The following AMPD1 variants were observed in gnomAD, a reference collection of about 807,000 sequenced individuals.
AMPD1 encodes AMP deaminase 1.
A neutral mutation model predicts 82.9 loss-of-function variants in AMPD1; 74 were observed. That is an observed-to-expected ratio of 0.89 (90% confidence interval 0.74 to 1.08). The LOEUF (loss-of-function observed/expected upper bound fraction) is 1.08, where lower values mean the gene tolerates loss of function less well. Among genes scored for constraint, AMPD1 ranks in the 50% least tolerant of loss-of-function variants. The pLI is 0.00. For missense variants in AMPD1, 881 were observed against 924.5 expected (o/e 0.95, Z 0.61); for synonymous variants, 333 against 320.5 (o/e 1.04, Z -0.42).
intron 2 of AMPD1, among the ~76,000 whole-genome samples, chr1:114,692,070 G>A (rs1658532449): frequency 6.6e-6 from 1 of 152,188 alleles, no homozygotes; most frequent in South Asian, 2.1e-4. Context: ...CAACTTCAGA[G>A]AATTGTTATG....
At chr1:114,674,672 T>C in intron 13 of AMPD1, 80 bp downstream of exon 13, 1 of 1,514,688 alleles carries the variant, frequency 6.6e-7, no homozygotes, top group South Asian at 1.1e-5. Context: ...CGATAATGAC[T>C]TGTGACAGTA....
intron 2 of AMPD1, among the ~76,000 whole-genome samples, chr1:114,693,211 A>ATT (rs1210471543): frequency 3.4e-5 from 5 of 148,982 alleles, no homozygotes; most frequent in Non-Finnish European, 5.9e-5. Context: ...ATTATATATA[A>ATT]TTATATATAT....
chr1:114,693,164 A>G (rs12132598), intron 2 of AMPD1, among the ~76,000 whole-genome samples: 32,767 of 138,904 alleles, frequency 0.24, 3,952 homozygotes, highest in Middle Eastern at 0.31. Flanking sequence ...AAATAAATAA[A>G]TAAGTAAAAG....
At chr1:114,678,264 G>T in intron 8 of AMPD1, 69 bp downstream of exon 8, 1 of 1,563,402 alleles carries the variant, frequency 6.4e-7, no homozygotes, top group South Asian at 1.1e-5. Flanking sequence ...GAGAAGGGAG[G>T]GCTTGTAGGA....
At chr1:114,678,572 G>A (rs745383528) in intron 7 of AMPD1, 45 bp from the exon 8 acceptor site, 4 of 1,533,546 alleles carry the variant, frequency 2.6e-6, no homozygotes, top group Non-Finnish European at 3.6e-6. Context: ...ATCAGCCTTA[G>A]TTATGCTACT....
chr1:114,679,603 G>T lies in AMPD1; in HGVS notation c.873C>A (p.His291Gln), dbSNP rs1658093498. 1 of 1,614,058 alleles carries T rather than the reference G, an allele frequency of 6.2e-7. No individual in the cohort carries two copies. Among genetic ancestry groups the T allele is most frequent in the Non-Finnish European group, 8.5e-7 (1 of 1,179,988 alleles). Residue 291 changes from histidine (H) to glutamine (Q), a missense_variant, in exon 7 of 16, where the codon CAC becomes CAA. Physicochemically the swap from His to Gln is conservative, Grantham distance 24 (BLOSUM62 0). Transcript: ENST00000520113. ...CCTTCCTGCAGTTATAAAAATCTCG[G>T]TGGGGGTTGTTTTTCAGCTCCTTTA... is the stretch of plus-strand genomic sequence containing the variant. ...DELKELKNNP[H>Q]RDFYNCRKVD...
At position 114,674,839 on chromosome 1, in the gene AMPD1, A is replaced by T; in HGVS notation, c.1713T>A (p.Pro571=). Residue 571 remains proline, a synonymous_variant, in exon 13 of 16, where the codon CCT becomes CCA. Coordinates refer to ENST00000520113, the MANE Select transcript of AMPD1 (RefSeq NM_000036.3). ...ERGMNTFLFR[P]HCGEAGALTH... ...TGAGGGCTCCAGCTTCTCCACAGTG[A>T]GGTCGGAACAGAAACGTATTCATGC... 1 of 1,614,054 alleles carries T rather than the reference A, an allele frequency of 6.2e-7. No homozygotes were observed.
chr1:114,674,778 T>TA lies in AMPD1; in HGVS notation c.1773dup (p.Ile592TyrfsTer31). 9 of 1,613,356 alleles carry TA rather than the reference T, an allele frequency of 5.6e-6. No individual in the cohort carries two copies. The highest frequency in any genetic ancestry group is 7.6e-6 in the Non-Finnish European group (9 of 1,179,288). ...TTTTTTAAATTTAGGCCATGAGAGA[T>TA]ATCATCTGCTATCATGAATGCTGTC... On this transcript the variant is annotated frameshift_variant, in exon 13 of 16. Coordinates refer to ENST00000520113, the MANE Select transcript of AMPD1 (RefSeq NM_000036.3). LOFTEE classifies it high-confidence loss of function.
Position 114,675,861 on chromosome 1 carries a change from G to A in AMPD1, c.1515+16C>T. The A allele has an allele frequency of 6.2e-7, 1 of 1,614,192 alleles. No homozygotes were observed. The highest frequency in any genetic ancestry group is 8.5e-7 in the Non-Finnish European group (1 of 1,180,010). On this transcript the variant is annotated intron_variant, in intron 11 of 15. Coordinates refer to ENST00000520113, the MANE Select transcript of AMPD1 (RefSeq NM_000036.3). ...TTCATGAGCAGCAGTATGAAGGCCT[G>A]AAGGGTCATGCTTACATGCTTGAGG...
At chr1:114,693,130 A>C (rs1436971781) in intron 2 of AMPD1, among the ~76,000 whole-genome samples, 1 of 144,128 alleles carries the variant, frequency 6.9e-6, no homozygotes, top group African/African-American at 2.6e-5. Flanking sequence ...ATAAATAAAT[A>C]AATAAATAAA....
At chr1:114,684,178 A>G in intron 5 of AMPD1, 21 bp downstream of exon 5, 5 of 1,611,572 alleles carry the variant, frequency 3.1e-6, no homozygotes, top group Non-Finnish European at 4.2e-6. Context: ...TGTTTCATAC[A>G]TTATGTAAGA....
At position 114,673,148 on chromosome 1, in the gene AMPD1, T is replaced by C. The variant is rs766773123; in HGVS notation, c.2210A>G (p.Asn737Ser). The C allele has an allele frequency of 2.2e-5, 35 of 1,614,016 alleles. No individual in the cohort carries two copies. The highest frequency in any genetic ancestry group is 2.2e-5 in the Non-Finnish European group (26 of 1,179,990). The change falls in exon 16 of 16, where the codon AAT becomes AGT. Residue 737 changes from asparagine to serine, a missense_variant. By Grantham distance (46) the Asn-to-Ser change is conservative (BLOSUM62 1). This residue lies in a region of AMPD1 where 98 missense variants were observed against 138.1 expected (regional missense o/e 0.71). Transcript: ENST00000520113. ...TGATTTAAGACCCTCAGCAATTAAA[T>C]TGAGTTCATAACACCAGGTTTCATA... ...YRYETWCYEL[N>S]LIAEGLKSTE
At chr1:114,682,292 A>G (rs1658180796) in intron 5 of AMPD1, among the ~76,000 whole-genome samples, 1 of 152,218 alleles carries the variant, frequency 6.6e-6, no homozygotes, top group South Asian at 2.1e-4. Flanking sequence ...GAAGTGAAAC[A>G]GCGTGTTACT....
intron 10 of AMPD1, 90 bp downstream of exon 10, chr1:114,677,261 A>G: frequency 6.5e-7 from 1 of 1,547,452 alleles, no homozygotes; most frequent in Non-Finnish European, 8.9e-7. Context: ...ATTTATTTCT[A>G]GATGGGCAAC....
At chr1:114,686,707 T>C in intron 4 of AMPD1, 38 bp downstream of exon 4, 1 of 1,610,680 alleles carries the variant, frequency 6.2e-7, no homozygotes, top group Non-Finnish European at 8.5e-7. Flanking sequence ...CTGAATGGCT[T>C]CCTGGTTGCT....
At chr1:114,681,925 G>T (rs989290333) in intron 5 of AMPD1, among the ~76,000 whole-genome samples, 2 of 152,168 alleles carry the variant, frequency 1.3e-5, no homozygotes, top group East Asian at 3.8e-4. Context: ...AATTATTATT[G>T]TAAGAGTGAT....
Position 114,686,799 on chromosome 1 carries a change from G to A in AMPD1, c.327C>T (p.Tyr109=). The A allele has an allele frequency of 6.2e-7, 1 of 1,614,204 alleles. No individual in the cohort carries two copies. The highest frequency in any genetic ancestry group is 2.2e-5 in the East Asian group (1 of 44,876). The part of the protein sequence containing the change: ...IDEYISSSPT[Y]QTVPDFQRVQ... Reference sequence around the variant, plus strand: ...CTCTCTGAAAATCAGGCACGGTCTGGTAGGTTGGAGATGAGGAAATGTATT... The same window carrying A: ...CTCTCTGAAAATCAGGCACGGTCTGATAGGTTGGAGATGAGGAAATGTATT... The change falls in exon 4 of 16, where the codon TAC becomes TAT. Residue 109 remains tyrosine, a synonymous_variant. Transcript: ENST00000520113.
chr1:114,677,039 C>A (rs1280208427), intron 10 of AMPD1, among the ~76,000 whole-genome samples: 1 of 151,930 alleles, frequency 6.6e-6, no homozygotes, highest in Non-Finnish European at 1.5e-5. Flanking sequence ...CAGAGAAGAC[C>A]AGGTGAAAGA....
chr1:114,675,919 G>A lies in AMPD1; in HGVS notation c.1473C>T (p.Ile491=), dbSNP rs145557954. ...NIFMPVFEAT[I]NPQADPELSV... is the part of the protein sequence containing the mutation. Reference sequence around the variant, plus strand: ...TGAGTTCTGGGTCAGCCTGGGGGTTGATGGTGGCCTCAAACACTGGCATGA... The same window carrying A: ...TGAGTTCTGGGTCAGCCTGGGGGTTAATGGTGGCCTCAAACACTGGCATGA... Residue 491 remains isoleucine (I), a synonymous_variant, in exon 11 of 16, where the codon ATC becomes ATT. Transcript: ENST00000520113. 135 of 1,614,226 alleles carry A rather than the reference G, an allele frequency of 8.4e-5. No homozygotes were observed. The East Asian group carries it at 2.9e-3, about 35-fold the overall frequency.
Sources: gnomAD v4.1 joint callset for allele counts (sites outside exome capture counted in the v4.1 genomes callset) on GRCh38, gnomAD v4.1.1 for gene constraint, gnomAD v4.1.1 regional missense constraint, MANE v1.5 for transcripts, NCBI Gene and HGNC (gene_info 2026-07-23, HGNC 2026-07-21) for gene names.